The following AFF3 variants were observed in gnomAD, a reference collection of about 807,000 sequenced individuals.
The protein encoded by AFF3 is AF4/FMR2 family member 3.
A neutral mutation model predicts 129.7 loss-of-function variants in AFF3; 32 were observed. The ratio of observed to expected loss-of-function variants is 0.25; its 90% CI spans 0.19 to 0.33. The LOEUF (loss-of-function observed/expected upper bound fraction) is 0.33, where lower values mean the gene tolerates loss of function less well. Ranked by LOEUF, AFF3 falls within the 10% of genes least tolerant of loss-of-function variation. AFF3 has a pLI of 1.00. For synonymous variants in AFF3, 644 were observed against 635.4 expected, an observed-to-expected ratio of 1.01 and a Z score of -0.20; for missense variants, 1,373 against 1,592.0, an observed-to-expected ratio of 0.86 and a Z score of 2.34.
intron 7 of AFF3, among the ~76,000 whole-genome samples, chr2:99,919,514 T>G (rs568960648): frequency 6.6e-6 from 1 of 152,154 alleles, no homozygotes; most frequent in Non-Finnish European, 1.5e-5. Flanking sequence ...AATAGGTGAA[T>G]TCTGTTCATT....
At chr2:99,764,921 CA>C (rs143480408) in intron 8 of AFF3, among the ~76,000 whole-genome samples, 53 of 148,562 alleles carry the variant, frequency 3.6e-4, no homozygotes, top group East Asian at 1.2e-3. Context: ...TTTTGACAAG[CA>C]AAAAAAAAAT....
Position 99,636,877 on chromosome 2 carries a change from G to A in AFF3, c.1184+12749C>T, listed in dbSNP as rs557806099. ...CAGTCATCAAAGGCCAGCCAGCCCA[G>A]TGCAGCCAAGGCTGGCCCGGGGCTA... On this transcript the variant is annotated intron_variant, in intron 13 of 24. Transcript: ENST00000672756. Among the ~76,000 whole-genome samples, 5 of 152,350 alleles carry A rather than the reference G, an allele frequency of 3.3e-5. No individual in the cohort carries two copies. In the South Asian group the frequency reaches 1.0e-3, roughly 32 times the overall value.
At chr2:99,764,732 G>A (rs767733459) in intron 8 of AFF3, among the ~76,000 whole-genome samples, 2 of 152,090 alleles carry the variant, frequency 1.3e-5, no homozygotes, top group Admixed American at 6.6e-5. Flanking sequence ...AGATGGTTTT[G>A]CTGCTGAGTA....
At chr2:99,721,156 A>G (rs2104948085) in intron 11 of AFF3, among the ~76,000 whole-genome samples, 1 of 152,298 alleles carries the variant, frequency 6.6e-6, no homozygotes, top group South Asian at 2.1e-4. Flanking sequence ...GTGTAGGCCT[A>G]CTGGAAATGA....
intron 8 of AFF3, among the ~76,000 whole-genome samples, chr2:99,779,298 T>C (rs999977252): frequency 3.3e-5 from 5 of 152,218 alleles, no homozygotes; most frequent in African/African-American, 9.7e-5. Flanking sequence ...ATGTGGCTGT[T>C]ATCATTTATT....
At chr2:99,627,360 CCG>C (rs1419101926) in intron 13 of AFF3, among the ~76,000 whole-genome samples, 9 of 152,012 alleles carry the variant, frequency 5.9e-5, no homozygotes, top group South Asian at 4.2e-4. Context: ...TGCTTGTTGG[CCG>C]CATGTATGTC....
intron 10 of AFF3, among the ~76,000 whole-genome samples, chr2:99,742,647 C>T (rs1234714140): frequency 6.6e-6 from 1 of 152,132 alleles, no homozygotes; most frequent in Non-Finnish European, 1.5e-5. Context: ...ATGAAAAGCT[C>T]GTGTCTTTGG....
intron 16 of AFF3, among the ~76,000 whole-genome samples, chr2:99,584,442 A>G (rs7565942): frequency 0.12 from 18,260 of 152,182 alleles, 1,909 homozygotes; most frequent in African/African-American, 0.29. Flanking sequence ...GCACTCCAGC[A>G]TGGGCGACAG....
intron 8 of AFF3, among the ~76,000 whole-genome samples, chr2:99,757,282 G>A (rs1471769167): frequency 1.3e-5 from 2 of 152,122 alleles, no homozygotes. Context: ...GGGTGCTCAT[G>A]AGCGATTCAA....
chr2:100,081,326 A>C (rs1029737938), intron 4 of AFF3, among the ~76,000 whole-genome samples: 2 of 151,828 alleles, frequency 1.3e-5, no homozygotes, highest in African/African-American at 4.8e-5. Flanking sequence ...GAGTTTCCAA[A>C]CTACAAGTCA....
At chr2:99,889,490 GA>G (rs1693379379) in intron 7 of AFF3, among the ~76,000 whole-genome samples, 1 of 152,218 alleles carries the variant, frequency 6.6e-6, no homozygotes, top group Non-Finnish European at 1.5e-5. Context: ...AGATTTATAT[GA>G]AAGGAGTAAA....
rs149685886 is a variant in AFF3, at chr2:99,857,833, A to G, written c.874-20309T>C. ...AGTCCTTCTCCTCAAATTGACCTTAAACCCATGGAATTCAAGATCTCATTA... is the reference window on the plus strand; with the variant it reads ...AGTCCTTCTCCTCAAATTGACCTTAGACCCATGGAATTCAAGATCTCATTA... On this transcript the variant is annotated intron_variant, in intron 7 of 24. Transcript: ENST00000672756. Among the ~76,000 whole-genome samples the G allele has an allele frequency of 3.1e-3, 473 of 152,300 alleles. 4 individuals are homozygous for G. The highest frequency in any genetic ancestry group is 0.011 in the African/African-American group (457 of 41,560).
At chr2:99,699,517 G>A (rs1676632774) in intron 11 of AFF3, among the ~76,000 whole-genome samples, 1 of 152,162 alleles carries the variant, frequency 6.6e-6, no homozygotes, top group Non-Finnish European at 1.5e-5. Flanking sequence ...TCCTAAACCT[G>A]CATTAATCAT....
At chr2:99,662,476 T>A (rs1686333601) in intron 12 of AFF3, among the ~76,000 whole-genome samples, 1 of 152,220 alleles carries the variant, frequency 6.6e-6, no homozygotes, top group Admixed American at 6.5e-5. Context: ...ACTTTTTGTA[T>A]GGTCCATTGG....
intron 8 of AFF3, among the ~76,000 whole-genome samples, chr2:99,800,326 T>A (rs1454843918): frequency 1.3e-5 from 2 of 152,092 alleles, no homozygotes. Context: ...AGATGCTCAA[T>A]ACAACCAATC....
chr2:99,808,954 A>C (rs1373156420), intron 8 of AFF3, among the ~76,000 whole-genome samples: 1 of 152,204 alleles, frequency 6.6e-6, no homozygotes, highest in Non-Finnish European at 1.5e-5. Context: ...GCTACAGAAA[A>C]GGGAGGAGTT....
At chr2:100,014,801 T>C (rs963181008) in intron 4 of AFF3, among the ~76,000 whole-genome samples, 20 of 146,940 alleles carry the variant, frequency 1.4e-4, no homozygotes, top group Non-Finnish European at 2.8e-4. Flanking sequence ...TTTTTTTTTT[T>C]TAGACGGAGT....
chr2:99,837,417 C>A, intron 8 of AFF3, 60 bp downstream of exon 8: 1 of 1,512,560 alleles, frequency 6.6e-7, no homozygotes, highest in Non-Finnish European at 9.1e-7. Flanking sequence ...CCGCAGGTTT[C>A]CTTTCTATTT....
At chr2:99,676,924 G>A (rs1475391317) in intron 11 of AFF3, among the ~76,000 whole-genome samples, 1 of 152,140 alleles carries the variant, frequency 6.6e-6, no homozygotes, top group African/African-American at 2.4e-5. Context: ...GAGGAGCCAA[G>A]GGGGTGTTGC....
Sources: allele counts gnomAD v4.1 joint callset (sites outside exome capture counted in the v4.1 genomes callset), GRCh38; gene constraint gnomAD v4.1.1; transcripts MANE v1.5; gene names NCBI Gene and HGNC (gene_info 2026-07-23, HGNC 2026-07-21).